EPHB1: variants seen among roughly 807,000 people sequenced by gnomAD.
EPHB1 encodes the protein EPH receptor B1.
In EPHB1, 30 loss-of-function variants were observed where a neutral mutation model predicts 94.4. That is an observed-to-expected ratio of 0.32 (90% CI 0.24 to 0.43). The LOEUF is 0.43. EPHB1 is among the 20% of genes least tolerant of loss of function. EPHB1 has a pLI of 1.00. For synonymous variants in EPHB1, 522 were observed against 489.1 expected (o/e 1.07, Z -0.89); for missense variants, 1,055 against 1,308.3 (o/e 0.81, Z 2.99).
intron 3 of EPHB1, among the ~76,000 whole-genome samples, chr3:134,983,121 A>G (rs545098858): frequency 6.6e-6 from 1 of 152,336 alleles, no homozygotes; most frequent in Admixed American, 6.5e-5. Context: ...AAACGTTTTA[A>G]TAAAGAGGCC....
At chr3:135,183,247 T>TCC (rs1559865617) in intron 10 of EPHB1, among the ~76,000 whole-genome samples, 1 of 91,338 alleles carries the variant, frequency 1.1e-5, no homozygotes, top group African/African-American at 4.1e-5. Context: ...TCCCTCCCTT[T>TCC]CTTCCTTCCT....
chr3:134,930,173 A>G (rs968988642), intron 2 of EPHB1, among the ~76,000 whole-genome samples: 2 of 152,206 alleles, frequency 1.3e-5, no homozygotes, highest in Non-Finnish European at 2.9e-5. Context: ...TTATGGGGCT[A>G]AGTGTGTGCC....
intron 4 of EPHB1, among the ~76,000 whole-genome samples, chr3:135,109,461 A>G (rs1364445200): frequency 6.6e-6 from 1 of 152,240 alleles, no homozygotes; most frequent in Admixed American, 6.5e-5. Flanking sequence ...TGCCTGGTTC[A>G]TAGTAAACTC....
chr3:135,106,367 G>A, intron 3 of EPHB1, 81 bp from the exon 4 acceptor site: 1 of 1,517,008 alleles, frequency 6.6e-7, no homozygotes, highest in South Asian at 1.2e-5. Context: ...TAGAGAGGAA[G>A]ACACTCCTTT....
intron 1 of EPHB1, among the ~76,000 whole-genome samples, chr3:134,811,675 T>G (rs1250624713): frequency 6.6e-6 from 1 of 152,192 alleles, no homozygotes; most frequent in Admixed American, 6.5e-5. Context: ...GATCTAAGAC[T>G]TTTTAGTCTT....
intron 12 of EPHB1, among the ~76,000 whole-genome samples, chr3:135,236,990 G>A (rs11709807): frequency 2.6e-5 from 4 of 152,208 alleles, no homozygotes; most frequent in Non-Finnish European, 4.4e-5. Context: ...TGGCAAGACA[G>A]TGTGCTGGCT....
At chr3:135,214,708 G>C (rs975262788) in intron 12 of EPHB1, among the ~76,000 whole-genome samples, 2 of 152,314 alleles carry the variant, frequency 1.3e-5, no homozygotes, top group African/African-American at 4.8e-5. Flanking sequence ...TTCCAGGAGA[G>C]AGCATGCATT....
chr3:135,031,669 C>CT (rs1936476004), intron 3 of EPHB1, among the ~76,000 whole-genome samples: 1 of 152,086 alleles, frequency 6.6e-6, no homozygotes, highest in African/African-American at 2.4e-5. Context: ...TTTTCTTGTA[C>CT]TTTTTTCCAC....
intron 1 of EPHB1, among the ~76,000 whole-genome samples, chr3:134,800,115 G>C (rs1260409331): frequency 2.0e-5 from 3 of 152,106 alleles, no homozygotes; most frequent in Non-Finnish European, 4.4e-5. Flanking sequence ...CATGAAGCCA[G>C]AGTACTCCAC....
At chr3:135,097,635 TAC>T (rs1938853591) in intron 3 of EPHB1, among the ~76,000 whole-genome samples, 1 of 152,224 alleles carries the variant, frequency 6.6e-6, no homozygotes, top group African/African-American at 2.4e-5. Context: ...CACAGTAAGT[TAC>T]AGTCTCTTCT....
At chr3:135,126,757 C>T (rs973339357) in intron 4 of EPHB1, among the ~76,000 whole-genome samples, 1 of 152,172 alleles carries the variant, frequency 6.6e-6, no homozygotes, top group Non-Finnish European at 1.5e-5. Context: ...TGCATCTGTA[C>T]CACTTTGATC....
chr3:135,137,468 A>G (rs1280800257), intron 5 of EPHB1, among the ~76,000 whole-genome samples: 3 of 152,214 alleles, frequency 2.0e-5, no homozygotes, highest in African/African-American at 7.2e-5. Flanking sequence ...GAATCTGATT[A>G]ACCCAAGTCT....
intron 1 of EPHB1, among the ~76,000 whole-genome samples, chr3:134,806,495 T>G (rs951950081): frequency 1.3e-5 from 2 of 152,198 alleles, no homozygotes; most frequent in Non-Finnish European, 2.9e-5. Context: ...CTGCTGACTC[T>G]GAGTAGGGAG....
chr3:135,069,495 G>T (rs947155384), intron 3 of EPHB1, among the ~76,000 whole-genome samples: 2 of 152,088 alleles, frequency 1.3e-5, no homozygotes, highest in African/African-American at 4.8e-5. Context: ...AAATATGCTG[G>T]CTCCCCTGAT....
At chr3:135,141,574 G>C (rs985076152) in intron 5 of EPHB1, among the ~76,000 whole-genome samples, 1 of 152,134 alleles carries the variant, frequency 6.6e-6, no homozygotes, top group Non-Finnish European at 1.5e-5. Flanking sequence ...TAGGAGGTGG[G>C]TGTGCAGGAG....
At chr3:135,192,847 T>A (rs1486616723) in intron 11 of EPHB1, 24 bp downstream of exon 11, 1 of 1,606,730 alleles carries the variant, frequency 6.2e-7, no homozygotes, top group South Asian at 1.1e-5. Flanking sequence ...AGGGGTTTGA[T>A]GATGCACTTG....
chr3:135,118,929 C>T (rs757230655), intron 4 of EPHB1, among the ~76,000 whole-genome samples: 1 of 152,158 alleles, frequency 6.6e-6, no homozygotes, highest in African/African-American at 2.4e-5. Context: ...TGCTGGGCTA[C>T]GGGGTGCATG....
At chr3:134,815,615 G>A (rs1259906301) in intron 1 of EPHB1, among the ~76,000 whole-genome samples, 2 of 152,124 alleles carry the variant, frequency 1.3e-5, no homozygotes, top group Admixed American at 6.6e-5. Flanking sequence ...AAAACAGTGC[G>A]CCTTGTTTCA....
Position 134,877,135 on chromosome 3 carries a change from G to A in EPHB1, c.59-48681G>A, listed in dbSNP as rs940955383. On this transcript the variant is annotated intron_variant, in intron 1 of 15. Coordinates refer to ENST00000398015, the MANE Select transcript of EPHB1 (RefSeq NM_004441.5). ...ATGGCAGACCTGGGGTCATGGTCCT[G>A]GCAATAGGCGTAGACCCTTGATGAA... Among the ~76,000 whole-genome samples the A allele has an allele frequency of 2.0e-5, 3 of 152,158 alleles. No homozygotes were observed. The South Asian group carries it at 6.2e-4, about 32-fold the overall frequency.
Sources: gnomAD v4.1 joint callset for allele counts (sites outside exome capture counted in the v4.1 genomes callset) on GRCh38, gnomAD v4.1.1 for gene constraint, MANE v1.5 for transcripts, NCBI Gene and HGNC (gene_info 2026-07-23, HGNC 2026-07-21) for gene names.